Variants in PLEKHG4B observed in about 807,000 individuals in gnomAD.
PLEKHG4B encodes the protein pleckstrin homology domain-containing family G member 4B.
A neutral mutation model predicts 121.3 loss-of-function variants in PLEKHG4B; 111 were observed. The ratio of observed to expected loss-of-function variants is 0.92; its 90% CI spans 0.78 to 1.07. The LOEUF (loss-of-function observed/expected upper bound fraction) is 1.07, where lower values mean the gene tolerates loss of function less well. Ranked by LOEUF, PLEKHG4B falls within the 50% of genes least tolerant of loss-of-function variation. PLEKHG4B has a pLI of 0.00. For synonymous variants in PLEKHG4B, 738 were observed against 725.0 expected, an observed-to-expected ratio of 1.02 and a Z score of -0.29; for missense variants, 1,831 against 1,757.8, an observed-to-expected ratio of 1.04 and a Z score of -0.74.
chr5:135,708 T>A lies in PLEKHG4B; in HGVS notation c.244-3775T>A, dbSNP rs1442043870. On this transcript the variant is annotated intron_variant, in intron 2 of 19. Transcript: ENST00000637938. ...ATATATATATATATATATATATATA[T>A]ATATATATATATATATATATGTATG... Among the ~76,000 whole-genome samples the A allele has an allele frequency of 3.3e-4, 33 of 100,002 alleles. 2 individuals carry two copies. The highest frequency in any genetic ancestry group is 9.4e-4 in the South Asian group (3 of 3,184). 65.6% of individuals were successfully genotyped at this position (100,002 alleles called of 152,430 possible). A position where few individuals can be genotyped will look rare whatever the true frequency, so the allele number is the denominator to read the frequency against.
intron 3 of PLEKHG4B, among the ~76,000 whole-genome samples, chr5:142,024 C>G (rs1405233083): frequency 5.3e-5 from 8 of 152,202 alleles, no homozygotes; most frequent in Middle Eastern, 3.2e-3. Flanking sequence ...GAGCCTTTCG[C>G]CTTCAAAGTT....
intron 6 of PLEKHG4B, 74 bp downstream of exon 6, chr5:144,994 C>A: frequency 1.4e-6 from 2 of 1,416,324 alleles, no homozygotes; most frequent in South Asian, 1.2e-5. Flanking sequence ...CTGCCCACAT[C>A]GTGGTTCTGG....
chr5:103,376 G>C (rs1159492497), intron 1 of PLEKHG4B, among the ~76,000 whole-genome samples: 1 of 152,056 alleles, frequency 6.6e-6, no homozygotes, highest in African/African-American at 2.4e-5. Flanking sequence ...ATTGAGGAGG[G>C]GGTATAGTGA....
chr5:123,076 C>T (rs754578187), intron 2 of PLEKHG4B, among the ~76,000 whole-genome samples: 4 of 152,168 alleles, frequency 2.6e-5, no homozygotes, highest in Non-Finnish European at 4.4e-5. Flanking sequence ...ATTTATAGAA[C>T]ATTGCACACA....
intron 7 of PLEKHG4B, among the ~76,000 whole-genome samples, chr5:152,071 T>C (rs894071883): frequency 1.3e-5 from 2 of 152,242 alleles, no homozygotes; most frequent in Admixed American, 1.3e-4. Context: ...GTTTCCAAGG[T>C]ACTTCCTTTC....
chr5:174,323 G>GGGCCAGCA lies in PLEKHG4B; in HGVS notation c.4402+228_4402+235dup, dbSNP rs1422286120. ...CTGGAGACTGAATCCAGGGGCCAGG[G>GGGCCAGCA]GGCCAGCAGGGCCGGGGTGGGGGCT... is the stretch of plus-strand genomic sequence containing the variant. On this transcript the variant is annotated intron_variant, in intron 18 of 19. Transcript: ENST00000637938. 5.7e-3 allele frequency among the ~76,000 whole-genome samples: 767 copies of GGGCCAGCA among 135,070 alleles called. 19 individuals carry two copies. Among genetic ancestry groups the GGGCCAGCA allele is most frequent in the African/African-American group, 0.021 (720 of 34,672 alleles). The allele number at this position is 135,070 out of a possible 152,430, so 88.6% of individuals were successfully genotyped here. A position where few individuals can be genotyped will look rare whatever the true frequency, so the allele number is the denominator to read the frequency against.
intron 7 of PLEKHG4B, 89 bp downstream of exon 7, chr5:151,688 A>G: frequency 2.3e-6 from 2 of 856,156 alleles, no homozygotes; most frequent in East Asian, 5.5e-5. Context: ...AGGAATTTAG[A>G]TAAGTTCTAA....
intron 2 of PLEKHG4B, among the ~76,000 whole-genome samples, chr5:133,510 T>C (rs944446574): frequency 2.6e-5 from 4 of 152,072 alleles, no homozygotes; most frequent in African/African-American, 9.7e-5. Context: ...GATATACAGA[T>C]GACCAACAAA....
At chr5:162,353 C>T (rs1243413518) in intron 12 of PLEKHG4B, among the ~76,000 whole-genome samples, 1 of 152,212 alleles carries the variant, frequency 6.6e-6, no homozygotes, top group Non-Finnish European at 1.5e-5. Context: ...GGCCACGGAG[C>T]TCACCTGTCA....
intron 6 of PLEKHG4B, among the ~76,000 whole-genome samples, chr5:145,857 G>A (rs1041887408): frequency 7.2e-5 from 11 of 152,040 alleles, no homozygotes; most frequent in African/African-American, 2.4e-4. Flanking sequence ...TGCACTCCAC[G>A]AAGCTAAACC....
chr5:154,004 T>A (rs927622165), intron 7 of PLEKHG4B, among the ~76,000 whole-genome samples: 4 of 145,508 alleles, frequency 2.7e-5, no homozygotes, highest in African/African-American at 8.2e-5. Context: ...GCCCCTCTCG[T>A]TTCCTTTATT....
chr5:157,414 C>T lies in PLEKHG4B; in HGVS notation c.2487+503C>T, dbSNP rs1229291251. 2.6e-5 allele frequency among the ~76,000 whole-genome samples: 4 copies of T among 152,122 alleles called. No individual in the cohort carries two copies. In the East Asian group the frequency reaches 5.8e-4, roughly 22 times the overall value. On this transcript the variant is annotated intron_variant, in intron 11 of 19. Coordinates refer to ENST00000637938, the MANE Select transcript of PLEKHG4B (RefSeq NM_052909.5). This position sits in a 1 kb window ranked among gnomAD's most constrained non-coding sequence, Gnocchi z 4.6. ...AGGACAAATCGGGAGGGGGTGATGACGGAAGTGGCTTTTCATGAATTCTCT... is the reference window on the plus strand; with the variant it reads ...AGGACAAATCGGGAGGGGGTGATGATGGAAGTGGCTTTTCATGAATTCTCT...
Position 140,143 on chromosome 5 carries a change from CCT to C in PLEKHG4B, c.905_906del (p.Pro302ArgfsTer47). The C allele has an allele frequency of 1.5e-6, 1 of 681,080 alleles. No homozygotes were observed. Among genetic ancestry groups the C allele is most frequent in the Non-Finnish European group, 2.4e-6 (1 of 419,846 alleles). 42.2% of individuals were successfully genotyped at this position (681,080 alleles called of 1,614,324 possible). A position where few individuals can be genotyped will look rare whatever the true frequency, so the allele number is the denominator to read the frequency against. ...CTCAGAGCAGGGCCCACGGATGCCC[CCT>C]GAGAACTGTGGGGGGTCGGGGGAGA... ...SPSEQGPRMP[P>X]ENCGGSGERP... On this transcript the variant is annotated frameshift_variant, in exon 3 of 20. Transcript: ENST00000637938. LOFTEE classifies it high-confidence loss of function.
At position 162,091 on chromosome 5, in the gene PLEKHG4B, C is replaced by T. The variant is rs906587094; in HGVS notation, c.2649+147C>T. The T allele has an allele frequency of 2.3e-5, 24 of 1,057,318 alleles. No individual in the cohort carries two copies. In the South Asian group the frequency reaches 3.7e-4, roughly 16 times the overall value. 65.5% of individuals were successfully genotyped at this position (1,057,318 alleles called of 1,614,324 possible). A position where few individuals can be genotyped will look rare whatever the true frequency, so the allele number is the denominator to read the frequency against. ...CGATGGAGCCCCCCTGGCCACTGCG[C>T]CCACGGCTCTCTGGAGAAGGCTCTG... On this transcript the variant is annotated intron_variant, in intron 12 of 19. Transcript: ENST00000637938.
chr5:168,389 T>C (rs1736421902), intron 13 of PLEKHG4B, among the ~76,000 whole-genome samples: 1 of 152,106 alleles, frequency 6.6e-6, no homozygotes, highest in East Asian at 1.9e-4. Flanking sequence ...AGCCCCCGAG[T>C]ACCCCTGAAG....
At position 122,091 on chromosome 5, in the gene PLEKHG4B, T is replaced by C. The variant is rs964567270; in HGVS notation, c.243+8643T>C. ...TTACATTGTTTCGAATTTTAAAATA[T>C]TAATTGAAGTTAGGCTGTAGTGAGT... On this transcript the variant is annotated intron_variant, in intron 2 of 19. Transcript: ENST00000637938. 4.6e-5 allele frequency among the ~76,000 whole-genome samples: 7 copies of C among 152,262 alleles called. No homozygotes were observed. In the East Asian group the frequency reaches 9.6e-4, roughly 21 times the overall value.
chr5:116,375 A>T (rs1734307824), intron 2 of PLEKHG4B, among the ~76,000 whole-genome samples: 1 of 152,360 alleles, frequency 6.6e-6, no homozygotes, highest in Admixed American at 6.5e-5. Context: ...ATATAATAAT[A>T]ATGAAGGAGT....
chr5:95,645 G>T (rs767476605), intron 1 of PLEKHG4B, among the ~76,000 whole-genome samples: 35 of 152,196 alleles, frequency 2.3e-4, no homozygotes, highest in Admixed American at 7.2e-4. Flanking sequence ...CAGATGGGCA[G>T]AGCCTGCCCT....
intron 2 of PLEKHG4B, among the ~76,000 whole-genome samples, chr5:118,939 C>T (rs1404235001): frequency 6.6e-6 from 1 of 151,836 alleles, no homozygotes; most frequent in African/African-American, 2.4e-5. Flanking sequence ...CAGCCTTGAC[C>T]TCCTGGGCTC....
Sources: allele counts gnomAD v4.1 joint callset (sites outside exome capture counted in the v4.1 genomes callset), GRCh38; gene constraint gnomAD v4.1.1; non-coding constraint Gnocchi (gnomAD v3.1); transcripts MANE v1.5; gene names NCBI Gene and HGNC (gene_info 2026-07-23, HGNC 2026-07-21).